Variants in C16orf96 observed in about 807,000 individuals in gnomAD.
C16orf96 encodes the protein uncharacterized protein C16orf96.
In C16orf96, 108 loss-of-function variants were observed where a neutral mutation model predicts 103.6. The ratio of observed to expected loss-of-function variants is 1.04; its 90% confidence interval spans 0.89 to 1.22. The LOEUF (loss-of-function observed/expected upper bound fraction) is 1.22. Ranked by LOEUF, C16orf96 falls within the 50% of genes most tolerant of loss-of-function variation. C16orf96 has a pLI of 0.00. For missense variants in C16orf96, 1,586 were observed against 1,464.2 expected (o/e 1.08, Z -1.36); for synonymous variants, 566 against 593.5 (o/e 0.95, Z 0.67).
Position 4,576,373 on chromosome 16 carries a change from A to T in C16orf96, c.1893A>T (p.Gly631=), listed in dbSNP as rs541554527. Residue 631 remains glycine (G), a synonymous_variant, in exon 5 of 16, where the codon GGA becomes GGT. Coordinates refer to ENST00000444310, the MANE Select transcript of C16orf96 (RefSeq NM_001145011.2). ...ADVLGAGPSR[G]ATESQILGDD... ...TCCTGGGTGCAGGGCCTTCCCGGGG[A>T]GCCACAGAATCCCAGATCTTGGGCG... 6.4e-7 allele frequency: 1 copy of T among 1,550,976 alleles called. No individual in the cohort carries two copies. Among genetic ancestry groups the T allele is most frequent in the East Asian group, 2.4e-5 (1 of 40,922 alleles).
At chr16:4,582,445 A>G (rs990939216) in intron 7 of C16orf96, among the ~76,000 whole-genome samples, 3 of 152,182 alleles carry the variant, frequency 2.0e-5, no homozygotes, top group African/African-American at 4.8e-5. Context: ...GCTGACCCCA[A>G]GGCTGGCACA....
chr16:4,567,280 CTTTTTTTT>C (rs71139642), intron 1 of C16orf96, among the ~76,000 whole-genome samples: 4 of 62,606 alleles, frequency 6.4e-5, no homozygotes, highest in South Asian at 7.2e-4. Context: ...TATTTCTTTT[CTTTTTTTT>C]TTTTTTTTTT....
intron 9 of C16orf96, among the ~76,000 whole-genome samples, chr16:4,588,836 A>G (rs1896991296): frequency 6.6e-6 from 1 of 151,350 alleles, no homozygotes; most frequent in African/African-American, 2.4e-5. Context: ...TACTTCCCTC[A>G]GGAAACGCTG....
At chr16:4,563,497 C>T (rs2141698396) in intron 1 of C16orf96, among the ~76,000 whole-genome samples, 1 of 152,310 alleles carries the variant, frequency 6.6e-6, no homozygotes, top group African/African-American at 2.4e-5. Flanking sequence ...TCAAGTAATC[C>T]TCCCACTTCA....
chr16:4,555,377 T>C (rs2059253491), upstream of C16orf96, among the ~76,000 whole-genome samples: 1 of 149,172 alleles, frequency 6.7e-6, no homozygotes, highest in South Asian at 2.1e-4. Context: ...CTTCAGATTC[T>C]TTTTTTTTTC....
intron 7 of C16orf96, among the ~76,000 whole-genome samples, chr16:4,586,476 C>G (rs967346530): frequency 2.6e-5 from 4 of 152,160 alleles, no homozygotes; most frequent in Non-Finnish European, 5.9e-5. Flanking sequence ...AACTATGGCC[C>G]GACCCTCTGG....
upstream of C16orf96, among the ~76,000 whole-genome samples, chr16:4,554,400 G>T (rs2059244644): frequency 6.6e-6 from 1 of 151,704 alleles, no homozygotes; most frequent in South Asian, 2.1e-4. Flanking sequence ...GCCCAGGCTG[G>T]AGTGCAGTGG....
chr16:4,567,719 A>G (rs1471552409), intron 1 of C16orf96, among the ~76,000 whole-genome samples: 1 of 56,050 alleles, frequency 1.8e-5, no homozygotes, highest in Non-Finnish European at 3.0e-5. Flanking sequence ...TTTTTTTTTG[A>G]GATGAAGTCT....
At chr16:4,567,469 G>A (rs539468606) in intron 1 of C16orf96, among the ~76,000 whole-genome samples, 1 of 150,724 alleles carries the variant, frequency 6.6e-6, no homozygotes, top group African/African-American at 2.4e-5. Context: ...TGTATGTTTA[G>A]TAGAGACGGG....
At position 4,593,760 on chromosome 16, in the gene C16orf96, G is replaced by A. The variant is rs1249838175; in HGVS notation, c.2867+444G>A. On this transcript the variant is annotated intron_variant, in intron 12 of 15. Transcript: ENST00000444310. This position sits in a 1 kb window ranked among gnomAD's most constrained non-coding sequence, Gnocchi z 4.2. ...ACAGCTGCCCTCTAAGATGTATCCT[G>A]GTACCATCCCATGTCACAGTTGAAG... Among the ~76,000 whole-genome samples, 1 of 152,074 alleles carries A rather than the reference G, an allele frequency of 6.6e-6. No individual in the cohort carries two copies. Among genetic ancestry groups the A allele is most frequent in the African/African-American group, 2.4e-5 (1 of 41,398 alleles).
intron 2 of C16orf96, among the ~76,000 whole-genome samples, chr16:4,573,034 G>GGGA (rs1275651108): frequency 1.3e-5 from 2 of 152,116 alleles, no homozygotes; most frequent in Non-Finnish European, 2.9e-5. Flanking sequence ...TGGCAACTGT[G>GGGA]GGAGCTTTAG....
chr16:4,594,208 C>T (rs1897120156), intron 12 of C16orf96, 143 bp from the exon 13 acceptor site: 1 of 925,460 alleles, frequency 1.1e-6, no homozygotes, highest in African/African-American at 1.7e-5. Context: ...CCGCCAGGCC[C>T]CAGGCCTGCC....
intron 1 of C16orf96, among the ~76,000 whole-genome samples, chr16:4,570,368 AGT>A (rs2059424727): frequency 6.6e-6 from 1 of 151,896 alleles, no homozygotes; most frequent in Admixed American, 6.6e-5. Flanking sequence ...GGCTCTGTTA[AGT>A]GCATGTATGT....
rs1896865907 is a variant in C16orf96, at chr16:4,584,354, A to ATTTTCTTTTTTTTT, written c.2353-2681_2353-2680insCTTTTTTTTTTTTT. Among the ~76,000 whole-genome samples, 4 of 92,722 alleles carry ATTTTCTTTTTTTTT rather than the reference A, an allele frequency of 4.3e-5. No individual in the cohort carries two copies. The East Asian group carries it at 1.2e-3, about 29-fold the overall frequency. The allele number at this position is 92,722 out of a possible 152,430, so 60.8% of individuals were successfully genotyped here. A position where few individuals can be genotyped will look rare whatever the true frequency, so the allele number is the denominator to read the frequency against. On this transcript the variant is annotated intron_variant, in intron 7 of 15. Coordinates refer to ENST00000444310, the MANE Select transcript of C16orf96 (RefSeq NM_001145011.2). ...AGGCGTGTGCCACCATGCCTGGCTAATTTTTTTTTTTGAGATACAGTCTCG... is the reference window on the plus strand; with the variant it reads ...AGGCGTGTGCCACCATGCCTGGCTAATTTTCTTTTTTTTTTTTTTTTTTTTGAGATACAGTCTCG...
At chr16:4,599,582 G>C (rs947461185) in intron 15 of C16orf96, among the ~76,000 whole-genome samples, 4 of 152,246 alleles carry the variant, frequency 2.6e-5, no homozygotes, top group African/African-American at 9.6e-5. Context: ...CGTCCACCCA[G>C]CTGCAGGGGC....
chr16:4,554,601 C>T (rs1466687895), upstream of C16orf96, among the ~76,000 whole-genome samples: 3 of 151,850 alleles, frequency 2.0e-5, no homozygotes, highest in East Asian at 3.9e-4. Flanking sequence ...GTGATCTGCC[C>T]GCCTCGGCCT....
intron 1 of C16orf96, among the ~76,000 whole-genome samples, chr16:4,571,252 A>G (rs565911292): frequency 5.3e-4 from 81 of 152,212 alleles, no homozygotes; most frequent in African/African-American, 1.7e-3. Flanking sequence ...CTACCCAGGG[A>G]TGGGCTGTGC....
chr16:4,591,271 C>T (rs1307253687), intron 9 of C16orf96, among the ~76,000 whole-genome samples: 3 of 152,128 alleles, frequency 2.0e-5, no homozygotes, highest in Non-Finnish European at 2.9e-5. Flanking sequence ...TACTAAACGC[C>T]ATAAACCTGC....
In C16orf96 at chr16:4,597,838, T is replaced by G. The variant is rs551160248; in HGVS notation, c.3128-1446T>G. ...TCCCAAAGTGCTGGGATTACAGGTG[T>G]GAGCCACTGCGCCCGGCCTCATGTA... On this transcript the variant is annotated intron_variant, in intron 14 of 15. Transcript: ENST00000444310. Among the ~76,000 whole-genome samples, 132 of 152,268 alleles carry G rather than the reference T, an allele frequency of 8.7e-4. 1 individual carries two copies. The highest frequency in any genetic ancestry group is 2.7e-3 in the African/African-American group (113 of 41,554).
Sources: allele counts gnomAD v4.1 joint callset (sites outside exome capture counted in the v4.1 genomes callset), GRCh38; gene constraint gnomAD v4.1.1; non-coding constraint Gnocchi (gnomAD v3.1); transcripts MANE v1.5; gene names NCBI Gene and HGNC (gene_info 2026-07-23, HGNC 2026-07-21).